The following ERC2 variants were observed in gnomAD, a reference collection of about 807,000 sequenced individuals.
ERC2 encodes the protein ELKS/RAB6-interacting/CAST family member 2.
In ERC2, 42 loss-of-function variants were observed where a neutral mutation model predicts 114.8. The observed-to-expected ratio is 0.37, with a 90% CI of 0.29 to 0.47. The LOEUF (loss-of-function observed/expected upper bound fraction) is 0.47. Among genes scored for constraint, ERC2 ranks in the 20% least tolerant of loss-of-function variants. The pLI is 0.99. For missense variants in ERC2, 939 were observed against 1,150.7 expected, an observed-to-expected ratio of 0.82 and a Z score of 2.66; for synonymous variants, 454 against 425.5, an observed-to-expected ratio of 1.07 and a Z score of -0.82.
intron 14 of ERC2, among the ~76,000 whole-genome samples, chr3:55,776,791 G>C (rs141674196): frequency 0.01 from 1,559 of 152,290 alleles, 20 homozygotes; most frequent in Middle Eastern, 0.061. Flanking sequence ...AAATGAGAAA[G>C]CTCATACAGT....
At chr3:56,429,300 G>C (rs528611048) in intron 2 of ERC2, among the ~76,000 whole-genome samples, 3 of 152,214 alleles carry the variant, frequency 2.0e-5, no homozygotes, top group African/African-American at 7.2e-5. Context: ...CAACAGCACA[G>C]GCCACTAAAA....
In ERC2 at chr3:55,693,724, T is replaced by C. The variant is rs143804904; in HGVS notation, c.2847+5654A>G. The stretch of plus-strand genomic sequence containing the variant: ...ACATATTTTTTCTTCTTTTTTTTTT[T>C]TGAGACGAAGTTTCACTCTTGTTGC... On this transcript the variant is annotated intron_variant, in intron 16 of 17. Coordinates refer to ENST00000288221, the MANE Select transcript of ERC2 (RefSeq NM_015576.3). 5.9e-5 allele frequency among the ~76,000 whole-genome samples: 9 copies of C among 152,184 alleles called. No individual in the cohort carries two copies. In the East Asian group the frequency reaches 1.7e-3, roughly 29 times the overall value.
At chr3:56,449,251 C>T (rs966037715) in intron 1 of ERC2, among the ~76,000 whole-genome samples, 10 of 151,998 alleles carry the variant, frequency 6.6e-5, no homozygotes, top group African/African-American at 2.4e-4. Flanking sequence ...CAGGCAGATT[C>T]TGGAAGACAA....
At chr3:56,402,658 C>G (rs752093326) in intron 2 of ERC2, among the ~76,000 whole-genome samples, 1 of 152,128 alleles carries the variant, frequency 6.6e-6, no homozygotes, top group East Asian at 1.9e-4. Flanking sequence ...GCTGAAACTT[C>G]GGCAATATGA....
chr3:56,325,472 A>G (rs2057319313), intron 2 of ERC2, among the ~76,000 whole-genome samples: 1 of 152,036 alleles, frequency 6.6e-6, no homozygotes, highest in African/African-American at 2.4e-5. Context: ...AACACTATAT[A>G]CCCAATGCTG....
At chr3:56,105,549 CA>C (rs2149814646) in intron 6 of ERC2, among the ~76,000 whole-genome samples, 1 of 152,258 alleles carries the variant, frequency 6.6e-6, no homozygotes, top group Middle Eastern at 3.4e-3. Context: ...CTCCTGGCCT[CA>C]AGCAATCCTC....
chr3:56,464,070 C>T (rs918833233), intron 1 of ERC2, among the ~76,000 whole-genome samples: 2 of 152,118 alleles, frequency 1.3e-5, no homozygotes, highest in South Asian at 2.1e-4. Flanking sequence ...TTATATGTCA[C>T]GCAGCTAGCA....
At chr3:55,573,744 T>C (rs533313425) in intron 17 of ERC2, among the ~76,000 whole-genome samples, 3 of 152,098 alleles carry the variant, frequency 2.0e-5, no homozygotes, top group Non-Finnish European at 4.4e-5. Context: ...ACACAGTTCA[T>C]GCAGCAATGA....
intron 2 of ERC2, among the ~76,000 whole-genome samples, chr3:56,388,361 C>A (rs186713587): frequency 3.0e-4 from 45 of 152,208 alleles, no homozygotes; most frequent in African/African-American, 1.0e-3. Flanking sequence ...CTCCTCTCCC[C>A]CTTCCTCCTG....
At chr3:56,100,120 C>T (rs2078273298) in intron 6 of ERC2, among the ~76,000 whole-genome samples, 2 of 152,210 alleles carry the variant, frequency 1.3e-5, no homozygotes, top group African/African-American at 4.8e-5. Flanking sequence ...ATTTCCCAAA[C>T]CTATTTCACT....
At chr3:55,890,162 A>G (rs1170831280) in intron 13 of ERC2, among the ~76,000 whole-genome samples, 2 of 152,228 alleles carry the variant, frequency 1.3e-5, no homozygotes, top group Non-Finnish European at 2.9e-5. Context: ...AGTTTCTCAT[A>G]TAAGTTCACA....
At chr3:56,447,103 C>G (rs964856439) in intron 1 of ERC2, among the ~76,000 whole-genome samples, 5 of 152,220 alleles carry the variant, frequency 3.3e-5, no homozygotes, top group African/African-American at 1.2e-4. Flanking sequence ...TGTTCCCATA[C>G]AGGCCATGAG....
At chr3:56,396,073 A>T (rs1264584767) in intron 2 of ERC2, among the ~76,000 whole-genome samples, 1 of 152,224 alleles carries the variant, frequency 6.6e-6, no homozygotes, top group African/African-American at 2.4e-5. Context: ...TTTGTGGTTA[A>T]TGAGGGAATT....
chr3:56,130,384 G>A (rs561811912), intron 6 of ERC2, among the ~76,000 whole-genome samples: 4 of 152,268 alleles, frequency 2.6e-5, no homozygotes, highest in East Asian at 3.9e-4. Flanking sequence ...GGCAGACAAT[G>A]AATTTTCCTA....
intron 14 of ERC2, among the ~76,000 whole-genome samples, chr3:55,804,604 T>A (rs991897492): frequency 6.6e-6 from 1 of 152,108 alleles, no homozygotes; most frequent in Non-Finnish European, 1.5e-5. Context: ...CTTGTGACCC[T>A]AAGAAGAACT....
intron 14 of ERC2, among the ~76,000 whole-genome samples, chr3:55,735,384 C>A (rs2065568393): frequency 6.6e-6 from 1 of 152,188 alleles, no homozygotes; most frequent in African/African-American, 2.4e-5. Context: ...TAGCTTCCAG[C>A]AAGGGCTTTT....
intron 6 of ERC2, among the ~76,000 whole-genome samples, chr3:56,127,594 A>T (rs1382830763): frequency 6.6e-6 from 1 of 152,028 alleles, no homozygotes; most frequent in African/African-American, 2.4e-5. Flanking sequence ...ACGGTGGCAG[A>T]TGCCTGCAAT....
intron 6 of ERC2, among the ~76,000 whole-genome samples, chr3:56,126,760 A>G (rs2079885000): frequency 6.7e-6 from 1 of 149,084 alleles, no homozygotes; most frequent in Admixed American, 6.7e-5. Flanking sequence ...GTAAGAAAAA[A>G]AAGAAGGAAG....
intron 14 of ERC2, among the ~76,000 whole-genome samples, chr3:55,838,479 C>T (rs1472651216): frequency 6.6e-6 from 1 of 151,766 alleles, no homozygotes; most frequent in Non-Finnish European, 1.5e-5. Context: ...AAGGAAGTCA[C>T]AAGGGAAATT....
Sources: allele counts gnomAD v4.1 joint callset (sites outside exome capture counted in the v4.1 genomes callset), GRCh38; gene constraint gnomAD v4.1.1; transcripts MANE v1.5; gene names NCBI Gene and HGNC (gene_info 2026-07-23, HGNC 2026-07-21).